CSMD1: variants seen among roughly 807,000 people sequenced by gnomAD.
CSMD1 encodes the protein CUB and sushi domain-containing protein 1.
In CSMD1, 213 loss-of-function variants were observed where a neutral mutation model predicts 417.5. The ratio of observed to expected loss-of-function variants is 0.51; its 90% CI spans 0.46 to 0.57. The LOEUF (loss-of-function observed/expected upper bound fraction) is 0.57. Among genes scored for constraint, CSMD1 ranks in the 20% least tolerant of loss-of-function variants. The pLI is 0.00. For synonymous variants in CSMD1, 2,862 were observed against 1,736.8 expected, an observed-to-expected ratio of 1.65 and a Z score of -16.11; for missense variants, 6,923 against 4,529.7, an observed-to-expected ratio of 1.53 and a Z score of -15.17.
chr8:4,954,666 T>C (rs1177178144), intron 1 of CSMD1, among the ~76,000 whole-genome samples: 2 of 152,218 alleles, frequency 1.3e-5, no homozygotes, highest in South Asian at 2.1e-4. Context: ...CTCATCTGAA[T>C]TCATGTGTGT....
intron 12 of CSMD1, among the ~76,000 whole-genome samples, chr8:3,451,453 A>C (rs58732351): frequency 0.072 from 10,947 of 152,244 alleles, 954 homozygotes; most frequent in East Asian, 0.2. Flanking sequence ...TTTTAGGGCT[A>C]ACATTTAAGT....
intron 8 of CSMD1, among the ~76,000 whole-genome samples, chr8:3,613,908 C>T (rs1802013507): frequency 6.6e-6 from 1 of 151,972 alleles, no homozygotes; most frequent in Non-Finnish European, 1.5e-5. Flanking sequence ...AAAATAGTTT[C>T]TTACCAATAC....
chr8:4,956,051 C>T (rs1025255482), intron 1 of CSMD1, among the ~76,000 whole-genome samples: 3 of 152,116 alleles, frequency 2.0e-5, no homozygotes, highest in Admixed American at 6.6e-5. Context: ...ACCACTTGCT[C>T]CTATCCTGGG....
chr8:3,372,364 G>T (rs934430655), intron 18 of CSMD1, among the ~76,000 whole-genome samples: 2 of 152,110 alleles, frequency 1.3e-5, no homozygotes, highest in Non-Finnish European at 2.9e-5. Flanking sequence ...TGACATGATG[G>T]GGCACTGGAT....
At chr8:2,958,453 T>A (rs1803183624) in intron 62 of CSMD1, among the ~76,000 whole-genome samples, 1 of 152,340 alleles carries the variant, frequency 6.6e-6, no homozygotes, top group East Asian at 1.9e-4. Flanking sequence ...CTCACCACAG[T>A]GTCCTGGAAT....
chr8:4,029,336 T>C (rs1330798581), intron 4 of CSMD1, among the ~76,000 whole-genome samples: 1 of 152,152 alleles, frequency 6.6e-6, no homozygotes, highest in Non-Finnish European at 1.5e-5. Context: ...GAATGGGCAA[T>C]TTACAAAAGA....
chr8:4,078,752 C>G (rs1799962153), intron 3 of CSMD1, among the ~76,000 whole-genome samples: 1 of 150,546 alleles, frequency 6.6e-6, no homozygotes, highest in African/African-American at 2.4e-5. Context: ...ATTTAAATTT[C>G]AGGCCTGGCA....
chr8:2,965,829 T>G lies in CSMD1; in HGVS notation c.9226A>C (p.Thr3076Pro). 6.2e-7 allele frequency: 1 copy of G among 1,609,100 alleles called. No homozygotes were observed. Among genetic ancestry groups the G allele is most frequent in the Non-Finnish European group, 8.5e-7 (1 of 1,177,630 alleles). The change falls in exon 59 of 70, where the codon ACT (threonine) becomes CCT (proline). Residue 3076 changes from threonine to proline, a missense_variant. Transcript: ENST00000635120. ...GYVMEAVTSA[T>P]IRCTKDGRWN... is the part of the protein sequence containing the mutation. ...CTGCCGTCTTTGGTACAGCGAATAG[T>G]GGCGGATGTGACTGCTTCCATGACA...
At chr8:4,206,747 T>C (rs532680282) in intron 3 of CSMD1, among the ~76,000 whole-genome samples, 2 of 152,308 alleles carry the variant, frequency 1.3e-5, no homozygotes, top group South Asian at 2.1e-4. Context: ...GATTTCAGAA[T>C]ATTTCCAATG....
At chr8:4,823,512 A>T (rs1301338854) in intron 1 of CSMD1, among the ~76,000 whole-genome samples, 1 of 152,050 alleles carries the variant, frequency 6.6e-6, no homozygotes, top group Non-Finnish European at 1.5e-5. Context: ...CTCACTTGCA[A>T]TGTACCTCAT....
At chr8:3,374,565 A>C (rs1810189386) in intron 18 of CSMD1, among the ~76,000 whole-genome samples, 1 of 152,226 alleles carries the variant, frequency 6.6e-6, no homozygotes, top group African/African-American at 2.4e-5. Context: ...ACTATGACGG[A>C]CATGCTGGTG....
chr8:3,648,885 G>A (rs1033966823), intron 7 of CSMD1, among the ~76,000 whole-genome samples: 1 of 152,138 alleles, frequency 6.6e-6, no homozygotes, highest in African/African-American at 2.4e-5. Context: ...GTTTCTGGTA[G>A]CTAGTGTTTT....
chr8:3,883,469 T>C (rs2627367), intron 5 of CSMD1, among the ~76,000 whole-genome samples: 5 of 151,938 alleles, frequency 3.3e-5, no homozygotes, highest in Admixed American at 3.3e-4. Context: ...TAAGTGTGTA[T>C]ATATGTATAT....
chr8:4,770,370 T>C (rs1247065927), intron 1 of CSMD1, among the ~76,000 whole-genome samples: 5 of 148,744 alleles, frequency 3.4e-5, no homozygotes, highest in Non-Finnish European at 7.4e-5. Flanking sequence ...ATTATATATA[T>C]ATGTAGTACG....
At chr8:4,211,335 T>G (rs1216480036) in intron 3 of CSMD1, among the ~76,000 whole-genome samples, 1 of 152,138 alleles carries the variant, frequency 6.6e-6, no homozygotes, top group South Asian at 2.1e-4. Context: ...ACTGTTAAAT[T>G]TCTTTACATT....
chr8:4,489,485 C>A (rs1187179220), intron 2 of CSMD1, among the ~76,000 whole-genome samples: 1 of 152,082 alleles, frequency 6.6e-6, no homozygotes, highest in Non-Finnish European at 1.5e-5. Context: ...ACCATATGCC[C>A]CACCAGAAAC....
chr8:4,718,116 G>A (rs1808804826), intron 1 of CSMD1, among the ~76,000 whole-genome samples: 1 of 152,068 alleles, frequency 6.6e-6, no homozygotes, highest in South Asian at 2.1e-4. Flanking sequence ...TGGTATGACA[G>A]GCACATGCCA....
intron 3 of CSMD1, among the ~76,000 whole-genome samples, chr8:4,254,111 G>C (rs1384505532): frequency 6.6e-6 from 1 of 151,762 alleles, no homozygotes; most frequent in Non-Finnish European, 1.5e-5. Context: ...TAGAGACAGG[G>C]TTTCACCGTG....
At chr8:3,034,984 A>T (rs1379460495) in intron 50 of CSMD1, among the ~76,000 whole-genome samples, 1 of 152,180 alleles carries the variant, frequency 6.6e-6, no homozygotes, top group Non-Finnish European at 1.5e-5. Flanking sequence ...ATTTCTGCCC[A>T]GGGATGGCCC....
Sources: allele counts gnomAD v4.1 joint callset (sites outside exome capture counted in the v4.1 genomes callset), GRCh38; gene constraint gnomAD v4.1.1; transcripts MANE v1.5; gene names NCBI Gene and HGNC (gene_info 2026-07-23, HGNC 2026-07-21).